GTF3C2: variants seen among roughly 807,000 people sequenced by gnomAD.
GTF3C2 encodes general transcription factor IIIC subunit 2.
In GTF3C2, 17 loss-of-function variants were observed where a neutral mutation model predicts 117.4. That is an observed-to-expected ratio of 0.14 (90% CI 0.10 to 0.22). The LOEUF (loss-of-function observed/expected upper bound fraction) is 0.22. Ranked by LOEUF, GTF3C2 falls within the 10% of genes least tolerant of loss-of-function variation. GTF3C2 has a pLI of 1.00. For missense variants in GTF3C2, 888 were observed against 1,143.6 expected (o/e 0.78, Z 3.22); for synonymous variants, 437 against 427.0 (o/e 1.02, Z -0.29).
chr2:27,331,491 A>G (rs935690073), intron 12 of GTF3C2, among the ~76,000 whole-genome samples: 5 of 151,934 alleles, frequency 3.3e-5, no homozygotes, highest in African/African-American at 4.8e-5. Context: ...CTGCCCAGCT[A>G]ATTTTTGTAT....
intron 1 of GTF3C2, among the ~76,000 whole-genome samples, chr2:27,346,095 C>T (rs1477483861): frequency 4.8e-5 from 7 of 147,186 alleles, no homozygotes; most frequent in African/African-American, 1.5e-4. Flanking sequence ...GTGATCACAG[C>T]TCACTGCAGC....
At chr2:27,335,688 A>C in exon 10 of GTF3C2, 1 of 1,560,928 alleles carries the variant, frequency 6.4e-7, no homozygotes, top group Non-Finnish European at 8.7e-7. Flanking sequence ...AAGAGACCCA[A>C]CCGGGGCAGG....
In GTF3C2 at chr2:27,329,897, T is replaced by C. The variant is rs1680220001; in HGVS notation, c.1733-374A>G. Among the ~76,000 whole-genome samples, 1 of 152,042 alleles carries C rather than the reference T, an allele frequency of 6.6e-6. No homozygotes were observed. The highest frequency in any genetic ancestry group is 2.4e-5 in the African/African-American group (1 of 41,386). On this transcript the variant is annotated intron_variant, in intron 12 of 18. Coordinates refer to ENST00000264720, the Ensembl canonical transcript of GTF3C2. This position sits in a 1 kb window ranked among gnomAD's most constrained non-coding sequence, Gnocchi z 4.5. The stretch of plus-strand genomic sequence containing the variant: ...TGGCTCATGCCTGTAATCTCAACAC[T>C]GTGGGAGGCCAATGCAGGTGGTGGA...
chr2:27,343,182 C>G (rs1680797246), intron 2 of GTF3C2, 35 bp from the exon 3 acceptor site: 1 of 1,518,308 alleles, frequency 6.6e-7, no homozygotes, highest in Non-Finnish European at 8.9e-7. Flanking sequence ...GAGATGGGAC[C>G]AGAACTCAAA....
At chr2:27,346,225 C>T (rs1396658154) in intron 1 of GTF3C2, among the ~76,000 whole-genome samples, 3 of 149,982 alleles carry the variant, frequency 2.0e-5, no homozygotes, top group Non-Finnish European at 3.0e-5. Flanking sequence ...GGTCTCACTA[C>T]GTTGCCCAGG....
At chr2:27,343,201 GA>G in intron 2 of GTF3C2, 54 bp from the exon 3 acceptor site, 1 of 1,503,928 alleles carries the variant, frequency 6.6e-7, no homozygotes, top group Non-Finnish European at 9.0e-7. Flanking sequence ...AACCTCTATG[GA>G]AAAGATTACA....
At chr2:27,336,232 G>A (rs772940405) in exon 8 of GTF3C2, 6 of 1,614,050 alleles carry the variant, frequency 3.7e-6, no homozygotes, top group Admixed American at 1.7e-5. Flanking sequence ...AGGCCCCAGA[G>A]CTGGAGCAGC....
At chr2:27,356,273 C>A (rs946486394) in intron 1 of GTF3C2, 7 of 410,834 alleles carry the variant, frequency 1.7e-5, no homozygotes, top group South Asian at 5.2e-5. Context: ...AGAGCCTCCT[C>A]GAGGAAGAGG....
chr2:27,329,480 C>T lies in GTF3C2; in HGVS notation c.1776G>A (p.Gln592=), dbSNP rs142984034. The T allele has an allele frequency of 1.9e-6, 3 of 1,613,996 alleles. No individual in the cohort carries two copies. Among genetic ancestry groups the T allele is most frequent in the African/African-American group, 2.7e-5 (2 of 74,910 alleles). ...AGGAGCCATCAGAGAGCCGTATCCG[C>T]TGCAGGGGTGAGTTAGTGGGAAGGT... is the stretch of plus-strand genomic sequence containing the variant. Residue 592 remains glutamine, a synonymous_variant, in exon 13 of 19, where the codon CAG becomes CAA. Transcript: ENST00000264720. The surrounding 1 kb of genome is among the most constrained non-coding windows in gnomAD (Gnocchi z 4.5).
chr2:27,356,068 CAA>C (rs1444550931), intron 1 of GTF3C2: 1 of 1,283,172 alleles, frequency 7.8e-7, no homozygotes. Context: ...GCCTCTGGAA[CAA>C]AGAGGTTTGT....
exon 19 of GTF3C2, chr2:27,325,873 T>C: frequency 5.6e-6 from 1 of 179,214 alleles, no homozygotes; most frequent in South Asian, 1.1e-4. Context: ...CTGAAGATAT[T>C]TAATCTAGAG....
At chr2:27,351,248 C>G (rs1007563721) in intron 1 of GTF3C2, among the ~76,000 whole-genome samples, 1 of 151,954 alleles carries the variant, frequency 6.6e-6, no homozygotes, top group African/African-American at 2.4e-5. Flanking sequence ...CTCGTCTCTA[C>G]TAAAAACACA....
chr2:27,339,639 A>T (rs1438552788), intron 4 of GTF3C2: 1 of 152,006 alleles, frequency 6.6e-6, no homozygotes, highest in African/African-American at 2.4e-5. Flanking sequence ...TGGTGACCAG[A>T]CATCTCCAGC....
rs767624884 is a variant in GTF3C2 at position 27,328,608 on chromosome 2, A to C, written c.2128-12T>G. ...GATCCTGAAAGACTCTAATAGAAAG[A>C]GACAGATTTCATTCATTCATATATT... On this transcript the variant is annotated splice_polypyrimidine_tract_variant and intron_variant, in intron 15 of 18. Coordinates refer to ENST00000264720, the Ensembl canonical transcript of GTF3C2. 1.2e-6 allele frequency: 2 copies of C among 1,605,738 alleles called. No individual in the cohort carries two copies. The highest frequency in any genetic ancestry group is 1.7e-6 in the Non-Finnish European group (2 of 1,172,878).
chr2:27,343,633 A>G, intron 1 of GTF3C2, 55 bp from the exon 2 acceptor site: 3 of 1,422,208 alleles, frequency 2.1e-6, no homozygotes, highest in Admixed American at 1.9e-5. Context: ...GTACTAGCTC[A>G]GATTTTTATT....
At chr2:27,326,583 G>C in exon 19 of GTF3C2, 1 of 919,014 alleles carries the variant, frequency 1.1e-6, no homozygotes, top group Non-Finnish European at 1.7e-6. Context: ...CATGATCACT[G>C]TCCAGGGAAG....
At chr2:27,352,585 C>T (rs1006528919) in intron 1 of GTF3C2, among the ~76,000 whole-genome samples, 1 of 152,192 alleles carries the variant, frequency 6.6e-6, no homozygotes, top group Non-Finnish European at 1.5e-5. Flanking sequence ...CTCATCTTCA[C>T]ACATAACTAT....
At chr2:27,342,286 G>A (rs989646460) in intron 3 of GTF3C2, 53 bp from the exon 4 acceptor site, 25 of 1,452,776 alleles carry the variant, frequency 1.7e-5, no homozygotes, top group Non-Finnish European at 2.3e-5. Context: ...GAGAACCCAC[G>A]TTTCCAGACA....
At chr2:27,326,454 C>G (rs759694860) in exon 19 of GTF3C2, 12 of 591,882 alleles carry the variant, frequency 2.0e-5, no homozygotes, top group Admixed American at 1.2e-4. Flanking sequence ...GGCTGAGGAG[C>G]CTTGAGAGTT....
Sources: gnomAD v4.1 joint callset for allele counts (sites outside exome capture counted in the v4.1 genomes callset) on GRCh38, gnomAD v4.1.1 for gene constraint, Gnocchi (gnomAD v3.1) non-coding constraint, MANE v1.5 for transcripts, NCBI Gene and HGNC (gene_info 2026-07-23, HGNC 2026-07-21) for gene names.